The following RYR1 variants were observed in gnomAD, a reference collection of about 807,000 sequenced individuals.
RYR1 encodes central core disease of muscle.
Under a neutral mutation model 583.5 loss-of-function variants are expected in RYR1, and 342 were observed. The observed-to-expected ratio is 0.59, with a 90% CI of 0.54 to 0.64. The LOEUF is 0.64. Ranked by LOEUF, RYR1 falls within the 30% of genes least tolerant of loss-of-function variation. RYR1 has a pLI of 0.00. For missense variants in RYR1, 6,032 were observed against 6,917.2 expected, an observed-to-expected ratio of 0.87 and a Z score of 4.54; for synonymous variants, 2,791 against 2,822.5, an observed-to-expected ratio of 0.99 and a Z score of 0.35.
chr19:38,442,697 G>A (rs1193276654), intron 3 of RYR1, among the ~76,000 whole-genome samples: 3 of 152,206 alleles, frequency 2.0e-5, no homozygotes, highest in Non-Finnish European at 2.9e-5. Flanking sequence ...TCAGGCCCAC[G>A]CCCTGCACAC....
At chr19:38,558,965 T>C (rs992696120) in intron 89 of RYR1, among the ~76,000 whole-genome samples, 5 of 152,000 alleles carry the variant, frequency 3.3e-5, no homozygotes, top group African/African-American at 4.8e-5. Context: ...GGCACACGCC[T>C]GTAGTCCCAG....
intron 76 of RYR1, among the ~76,000 whole-genome samples, chr19:38,530,588 A>T (rs940753311): frequency 6.6e-6 from 1 of 151,720 alleles, no homozygotes; most frequent in Non-Finnish European, 1.5e-5. Flanking sequence ...TTTTTCTTAC[A>T]TAACGTGAAG....
chr19:38,444,238 A>G lies in RYR1; in HGVS notation c.514A>G (p.Ser172Gly), dbSNP rs1195747684. 1 of 1,613,972 alleles carries G rather than the reference A, an allele frequency of 6.2e-7. No homozygotes were observed. Among genetic ancestry groups the G allele is most frequent in the Middle Eastern group, 1.6e-4 (1 of 6,062 alleles). Residue 172 changes from serine (S) to glycine (G), a missense_variant, in exon 6 of 106, where the codon AGT becomes GGT. Physicochemically the swap from Ser to Gly is moderately conservative, Grantham distance 56. Transcript: ENST00000359596. This position sits in a 1 kb window ranked among gnomAD's most constrained non-coding sequence, Gnocchi z 5.1. Reference protein sequence around the residue: ...VRVGDDIILVSVSSERYLHLS... With the variant: ...VRVGDDIILVGVSSERYLHLS... ...CGTTGGGGATGACATCATCCTTGTCAGTGTCTCCTCCGAGCGCTACCTGGT... is the reference window on the plus strand; with the variant it reads ...CGTTGGGGATGACATCATCCTTGTCGGTGTCTCCTCCGAGCGCTACCTGGT...
At chr19:38,581,046 A>G (rs1162341622) in intron 101 of RYR1, among the ~76,000 whole-genome samples, 5 of 147,710 alleles carry the variant, frequency 3.4e-5, no homozygotes, top group Non-Finnish European at 7.5e-5. Context: ...CTACAGGCGC[A>G]TGCCACCACA....
intron 27 of RYR1, among the ~76,000 whole-genome samples, chr19:38,470,680 T>C (rs893262032): frequency 6.6e-6 from 1 of 150,554 alleles, no homozygotes; most frequent in African/African-American, 2.4e-5. Context: ...GAGGTGGAGG[T>C]TGCAGTAAGC....
At chr19:38,586,649 C>A in intron 105 of RYR1, 73 bp downstream of exon 105, 1 of 1,382,538 alleles carries the variant, frequency 7.2e-7, no homozygotes, top group Non-Finnish European at 1.0e-6. Flanking sequence ...CAGTAGGTGG[C>A]AGTAAAAAGC....
intron 7 of RYR1, 39 bp from the exon 8 acceptor site, chr19:38,446,433 C>A: frequency 1.3e-6 from 2 of 1,491,166 alleles, no homozygotes; most frequent in East Asian, 2.3e-5. Context: ...TCCTGGGGCT[C>A]CAGCCTCCCA....
intron 89 of RYR1, among the ~76,000 whole-genome samples, chr19:38,559,300 C>A (rs187782499): frequency 7.2e-6 from 1 of 138,078 alleles, no homozygotes; most frequent in Admixed American, 7.8e-5. Flanking sequence ...ATGGCACAAT[C>A]TTGGCTCACT....
intron 60 of RYR1, among the ~76,000 whole-genome samples, chr19:38,511,050 C>A (rs1206385477): frequency 1.3e-5 from 2 of 152,148 alleles, no homozygotes; most frequent in Non-Finnish European, 2.9e-5. Flanking sequence ...AATTCCAACA[C>A]TTTGGGAAGC....
At chr19:38,507,659 GA>G in intron 57 of RYR1, 52 bp from the exon 58 acceptor site, 1 of 1,179,218 alleles carries the variant, frequency 8.5e-7, no homozygotes, top group Non-Finnish European at 1.3e-6. Flanking sequence ...AGAAGGGTGG[GA>G]AACTGTAGGG....
At position 38,543,268 on chromosome 19, in the gene RYR1, C is replaced by T; in HGVS notation, c.11690-79C>T. ...ATAGGAACTCAACACATGAGTATTGCATAAATGAATAAATGACCCACTGTT... is the reference window on the plus strand; with the variant it reads ...ATAGGAACTCAACACATGAGTATTGTATAAATGAATAAATGACCCACTGTT... On this transcript the variant is annotated intron_variant, in intron 84 of 105. Coordinates refer to ENST00000359596, the MANE Select transcript of RYR1 (RefSeq NM_000540.3). This position sits in a 1 kb window ranked among gnomAD's most constrained non-coding sequence, Gnocchi z 4.4. 1 of 1,212,620 alleles carries T rather than the reference C, an allele frequency of 8.2e-7. No individual in the cohort carries two copies. The highest frequency in any genetic ancestry group is 1.2e-5 in the South Asian group (1 of 82,548). The allele number at this position is 1,212,620 out of a possible 1,614,324, so 75.1% of individuals were successfully genotyped here. A position where few individuals can be genotyped will look rare whatever the true frequency, so the allele number is the denominator to read the frequency against.
chr19:38,502,005 A>G (rs1970144220), intron 47 of RYR1, among the ~76,000 whole-genome samples: 1 of 150,278 alleles, frequency 6.7e-6, no homozygotes, highest in South Asian at 2.1e-4. Context: ...AAAGAAAAAT[A>G]AATTAGCCAG....
At chr19:38,578,837 C>T (rs1974072439) in intron 99 of RYR1, among the ~76,000 whole-genome samples, 1 of 152,120 alleles carries the variant, frequency 6.6e-6, no homozygotes, top group Admixed American at 6.6e-5. Flanking sequence ...GGCAGACAGG[C>T]ACAGTGGCTC....
intron 38 of RYR1, 147 bp from the exon 39 acceptor site, chr19:38,494,205 C>A: frequency 2.3e-6 from 2 of 853,580 alleles, no homozygotes; most frequent in South Asian, 1.4e-5. Flanking sequence ...CTAGAATCTG[C>A]CTGCTCCCAG....
Position 38,496,259 on chromosome 19 carries a change from T to C in RYR1, c.6593T>C (p.Met2198Thr). Residue 2198 changes from methionine (M) to threonine (T), a missense_variant, in exon 40 of 106, where the codon ATG becomes ACG. Transcript: ENST00000359596. The surrounding 1 kb of genome is among the most constrained non-coding windows in gnomAD (Gnocchi z 4.8). ...GTCTTCTACCAACACCCGAACCTGA[T>C]GAGGGCGCTGGGCATGCACGAGACG... ...NKVFYQHPNL[M>T]RALGMHETVM... 6.2e-7 allele frequency: 1 copy of C among 1,613,950 alleles called. No individual in the cohort carries two copies. The highest frequency in any genetic ancestry group is 8.5e-7 in the Non-Finnish European group (1 of 1,180,028).
intron 1 of RYR1, among the ~76,000 whole-genome samples, chr19:38,437,142 C>A (rs1023102793): frequency 2.0e-5 from 3 of 151,862 alleles, no homozygotes; most frequent in Non-Finnish European, 4.4e-5. Flanking sequence ...CCTCCGCCTC[C>A]TGGGTTCAAG....
chr19:38,507,019 C>T, intron 57 of RYR1, 67 bp downstream of exon 57: 8 of 1,607,682 alleles, frequency 5.0e-6, no homozygotes, highest in Non-Finnish European at 6.8e-6. Context: ...CTGGAAGGGG[C>T]GGGGCCAGAG....
rs566839991 is a variant in RYR1, at chr19:38,496,699, C to T, written c.6796+158C>T. ...AGTAATGCTGGGGACACAATAGTGA[C>T]CCCAATAGTGACAGCCCAGAGTGGT... On this transcript the variant is annotated intron_variant, in intron 41 of 105. Transcript: ENST00000359596. The surrounding 1 kb of genome is among the most constrained non-coding windows in gnomAD (Gnocchi z 4.8). Among the ~76,000 whole-genome samples, 1 of 152,300 alleles carries T rather than the reference C, an allele frequency of 6.6e-6. No individual in the cohort carries two copies. The highest frequency in any genetic ancestry group is 1.9e-4 in the East Asian group (1 of 5,192).
intron 47 of RYR1, among the ~76,000 whole-genome samples, chr19:38,502,223 T>C (rs573815054): frequency 6.6e-6 from 1 of 152,110 alleles, no homozygotes; most frequent in Admixed American, 6.5e-5. Context: ...GTGCAGACCA[T>C]TGATATTTAC....
Sources: gnomAD v4.1 joint callset for allele counts (sites outside exome capture counted in the v4.1 genomes callset) on GRCh38, gnomAD v4.1.1 for gene constraint, Gnocchi (gnomAD v3.1) non-coding constraint, MANE v1.5 for transcripts, NCBI Gene and HGNC (gene_info 2026-07-23, HGNC 2026-07-21) for gene names.